CLIC4: variants seen among roughly 807,000 people sequenced by gnomAD.
CLIC4 encodes CLIC family member 4.
In CLIC4, 13 loss-of-function variants were observed where a neutral mutation model predicts 24.6. That is an observed-to-expected ratio of 0.53 (90% CI 0.34 to 0.84). The LOEUF (loss-of-function observed/expected upper bound fraction) is 0.84, where lower values mean the gene tolerates loss of function less well. CLIC4 is among the 40% of genes least tolerant of loss of function. The probability of loss-of-function intolerance (pLI) is 0.01; values close to 1 mark genes in which losing one functional copy is unlikely to be tolerated. For missense variants in CLIC4, 227 were observed against 301.7 expected, an observed-to-expected ratio of 0.75 and a Z score of 1.83; for synonymous variants, 104 against 111.3, an observed-to-expected ratio of 0.93 and a Z score of 0.41.
chr1:24,826,052 G>A lies in CLIC4; in HGVS notation c.309-958G>A, dbSNP rs772540272. Reference sequence around the variant, plus strand: ...CCTCCTAAAGGGAAGATGAATAATTGAGCTTTTTCATATATTTTCCAGTTT... The same window carrying A: ...CCTCCTAAAGGGAAGATGAATAATTAAGCTTTTTCATATATTTTCCAGTTT... On this transcript the variant is annotated intron_variant, in intron 3 of 5. Transcript: ENST00000374379. 2.0e-5 allele frequency among the ~76,000 whole-genome samples: 3 copies of A among 152,170 alleles called. No homozygotes were observed. The East Asian group carries it at 5.8e-4, about 29-fold the overall frequency.
chr1:24,840,137 A>G (rs1639927854), intron 5 of CLIC4, 96 bp downstream of exon 5: 18 of 1,206,888 alleles, frequency 1.5e-5, no homozygotes, highest in Non-Finnish European at 2.0e-5. Flanking sequence ...CTGATTTTAT[A>G]TGACTAGTTG....
At chr1:24,831,271 C>G (rs767130626) in intron 4 of CLIC4, among the ~76,000 whole-genome samples, 1 of 152,170 alleles carries the variant, frequency 6.6e-6, no homozygotes, top group Non-Finnish European at 1.5e-5. Context: ...CCACATTGCC[C>G]AGGCTGGTCT....
At chr1:24,771,894 T>C (rs1369076958) in intron 1 of CLIC4, 2 of 512,476 alleles carry the variant, frequency 3.9e-6, no homozygotes, top group Admixed American at 2.0e-5. Flanking sequence ...GTCAAGTGGG[T>C]GTATTTCTTG....
At chr1:24,789,570 T>A (rs1431026758) in intron 1 of CLIC4, among the ~76,000 whole-genome samples, 1 of 152,122 alleles carries the variant, frequency 6.6e-6, no homozygotes, top group Non-Finnish European at 1.5e-5. Flanking sequence ...GTATTACATT[T>A]TCAGTGTAGT....
chr1:24,759,318 G>A (rs572313284), intron 1 of CLIC4, among the ~76,000 whole-genome samples: 10 of 152,284 alleles, frequency 6.6e-5, no homozygotes, highest in African/African-American at 2.4e-4. Flanking sequence ...TACTTTCCAT[G>A]CACTAAGTGC....
intron 1 of CLIC4, chr1:24,771,961 G>A (rs1639075901): frequency 4.7e-6 from 2 of 425,952 alleles, no homozygotes; most frequent in Admixed American, 5.0e-5. Context: ...CCTTAGGCTT[G>A]GCTTAAGCTT....
At chr1:24,789,214 A>C (rs1414646698) in intron 1 of CLIC4, among the ~76,000 whole-genome samples, 1 of 152,168 alleles carries the variant, frequency 6.6e-6, no homozygotes, top group Non-Finnish European at 1.5e-5. Context: ...AGTTAGATGG[A>C]TGATCTCAAA....
intron 4 of CLIC4, among the ~76,000 whole-genome samples, chr1:24,831,708 G>A (rs550531200): frequency 8.1e-4 from 123 of 152,132 alleles, no homozygotes; most frequent in Middle Eastern, 6.8e-3. Flanking sequence ...GCACGATCTC[G>A]GCTCACTGCA....
intron 3 of CLIC4, among the ~76,000 whole-genome samples, chr1:24,818,185 G>C (rs1265359180): frequency 1.3e-5 from 2 of 152,128 alleles, no homozygotes; most frequent in Admixed American, 1.3e-4. Context: ...CCTTCAATTT[G>C]TAAAAAACGT....
At chr1:24,745,706 C>G in intron 1 of CLIC4, 81 bp downstream of exon 1, 1 of 1,169,046 alleles carries the variant, frequency 8.6e-7, no homozygotes, top group Non-Finnish European at 1.2e-6. Flanking sequence ...CGGGGCTCTC[C>G]TGAGGCGCCC....
chr1:24,793,292 C>T (rs1639362353), intron 1 of CLIC4: 1 of 151,704 alleles, frequency 6.6e-6, no homozygotes, highest in Non-Finnish European at 1.5e-5. Flanking sequence ...TGGTCAGTAT[C>T]TTCAAAAAGG....
intron 1 of CLIC4, among the ~76,000 whole-genome samples, chr1:24,746,298 G>T (rs1310204716): frequency 6.6e-6 from 1 of 152,086 alleles, no homozygotes; most frequent in Non-Finnish European, 1.5e-5. Context: ...CAACATTTTG[G>T]CTTCTCCCCC....
At chr1:24,786,290 T>G (rs1639266613) in intron 1 of CLIC4, among the ~76,000 whole-genome samples, 2 of 152,258 alleles carry the variant, frequency 1.3e-5, no homozygotes, top group Non-Finnish European at 2.9e-5. Context: ...AACTAGGTTT[T>G]CTAAGTGAGC....
At chr1:24,767,804 T>C (rs951225529) in intron 1 of CLIC4, among the ~76,000 whole-genome samples, 1 of 151,776 alleles carries the variant, frequency 6.6e-6, no homozygotes, top group East Asian at 1.9e-4. Context: ...ATTGGTTCTG[T>C]ACAAATACTC....
At chr1:24,840,185 C>T (rs1003520803) in intron 5 of CLIC4, 144 bp downstream of exon 5, 3 of 638,630 alleles carry the variant, frequency 4.7e-6, no homozygotes, top group African/African-American at 3.7e-5. Context: ...TTGAAGCACC[C>T]TAGAGTTAGT....
At chr1:24,823,668 G>A (rs1250853355) in intron 3 of CLIC4, among the ~76,000 whole-genome samples, 1 of 151,542 alleles carries the variant, frequency 6.6e-6, no homozygotes, top group Non-Finnish European at 1.5e-5. Flanking sequence ...CAGCGACTTG[G>A]GAGGCTGAGG....
intron 1 of CLIC4, among the ~76,000 whole-genome samples, chr1:24,750,042 G>A (rs1638754163): frequency 6.6e-6 from 1 of 152,166 alleles, no homozygotes; most frequent in Non-Finnish European, 1.5e-5. Flanking sequence ...CCGTGATCGT[G>A]CCACTGCACT....
chr1:24,756,078 C>T (rs1212424681), intron 1 of CLIC4, among the ~76,000 whole-genome samples: 1 of 150,750 alleles, frequency 6.6e-6, no homozygotes, highest in East Asian at 1.9e-4. Context: ...CTGCTCACTG[C>T]AAGCTCCGCC....
At chr1:24,803,206 G>A (rs1036108737) in intron 2 of CLIC4, among the ~76,000 whole-genome samples, 6 of 152,138 alleles carry the variant, frequency 3.9e-5, no homozygotes, top group Admixed American at 2.6e-4. Context: ...AACATTAAAT[G>A]TGACTCTTTT....
Sources: gnomAD v4.1 joint callset for allele counts (sites outside exome capture counted in the v4.1 genomes callset) on GRCh38, gnomAD v4.1.1 for gene constraint, MANE v1.5 for transcripts, NCBI Gene and HGNC (gene_info 2026-07-23, HGNC 2026-07-21) for gene names.